Variants in OSBPL10 observed in about 807,000 individuals in gnomAD.
OSBPL10 encodes oxysterol-binding protein-related protein 10.
A neutral mutation model predicts 81.7 loss-of-function variants in OSBPL10; 49 were observed. That is an observed-to-expected ratio of 0.60 (90% CI 0.48 to 0.76). OSBPL10 has a LOEUF of 0.76. OSBPL10 is among the 30% of genes least tolerant of loss of function. The pLI, the probability that OSBPL10 is intolerant of heterozygous loss-of-function variation, is 0.00. For missense variants in OSBPL10, 923 were observed against 987.8 expected (o/e 0.93, Z 0.88); for synonymous variants, 419 against 383.6 (o/e 1.09, Z -1.08).
intron 4 of OSBPL10, among the ~76,000 whole-genome samples, chr3:31,814,254 G>A (rs531791528): frequency 6.6e-6 from 1 of 152,352 alleles, no homozygotes; most frequent in South Asian, 2.1e-4. Context: ...ACATACGACA[G>A]CTCATTGTAC....
At chr3:31,683,225 A>T (rs1700699689) in intron 8 of OSBPL10, among the ~76,000 whole-genome samples, 2 of 152,256 alleles carry the variant, frequency 1.3e-5, no homozygotes, top group African/African-American at 4.8e-5. Context: ...CAGATTTTGA[A>T]TAGGCAGCAT....
upstream of OSBPL10, among the ~76,000 whole-genome samples, chr3:31,982,752 T>C (rs1238128379): frequency 6.6e-6 from 1 of 152,230 alleles, no homozygotes; most frequent in African/African-American, 2.4e-5. Flanking sequence ...CTTTTAGCCT[T>C]AGTTTTCTCA....
intron 1 of OSBPL10, among the ~76,000 whole-genome samples, chr3:31,974,417 G>A (rs1365999257): frequency 6.6e-6 from 1 of 152,150 alleles, no homozygotes; most frequent in Non-Finnish European, 1.5e-5. Flanking sequence ...GCATACCTAT[G>A]TTCTCCAAAC....
chr3:32,075,661 C>T (rs1426658123), intron 1 of OSBPL10, among the ~76,000 whole-genome samples: 3 of 152,140 alleles, frequency 2.0e-5, no homozygotes, highest in Non-Finnish European at 4.4e-5. Flanking sequence ...CCGCTTGAAG[C>T]AGCCCTGAGA....
chr3:31,857,056 G>GA (rs1405336924), intron 3 of OSBPL10, among the ~76,000 whole-genome samples: 1 of 152,122 alleles, frequency 6.6e-6, no homozygotes, highest in Non-Finnish European at 1.5e-5. Context: ...ACCCTGCCTT[G>GA]AAAAAGAAGT....
At position 31,907,619 on chromosome 3, in the gene OSBPL10, C is replaced by CAAAAAAAA. The variant is rs142840420; in HGVS notation, c.282-27797_282-27790dup. 9.9e-4 allele frequency among the ~76,000 whole-genome samples: 63 copies of CAAAAAAAA among 63,860 alleles called. 1 individual carries two copies. The highest frequency in any genetic ancestry group is 2.2e-3 in the African/African-American group (32 of 14,446). The allele number at this position is 63,860 out of a possible 152,430, so 41.9% of individuals were successfully genotyped here. ...TCCAGCCTGGGTGAGACCTCCATCT[C>CAAAAAAAA]AAAAAAAAAAAAAAAAAAAAAAAAA... On this transcript the variant is annotated intron_variant, in intron 1 of 11. Coordinates refer to ENST00000396556, the MANE Select transcript of OSBPL10 (RefSeq NM_017784.5).
At chr3:31,952,042 A>T (rs773779922) in intron 1 of OSBPL10, among the ~76,000 whole-genome samples, 3 of 152,024 alleles carry the variant, frequency 2.0e-5, no homozygotes, top group Non-Finnish European at 2.9e-5. Flanking sequence ...GTTTATTAGG[A>T]TTTGTTAGCT....
chr3:31,964,437 G>A (rs145206474), intron 1 of OSBPL10, among the ~76,000 whole-genome samples: 9 of 152,188 alleles, frequency 5.9e-5, no homozygotes, highest in East Asian at 1.9e-4. Context: ...GATTACAGGC[G>A]TCAGCCATGG....
At chr3:32,074,800 A>G (rs1699860566) in intron 1 of OSBPL10, among the ~76,000 whole-genome samples, 1 of 152,204 alleles carries the variant, frequency 6.6e-6, no homozygotes, top group Non-Finnish European at 1.5e-5. Context: ...TTTGGGGTGC[A>G]GGATTCCTCT....
At chr3:31,930,850 TAAA>T (rs775265524) in intron 1 of OSBPL10, among the ~76,000 whole-genome samples, 1 of 151,142 alleles carries the variant, frequency 6.6e-6, no homozygotes, top group Non-Finnish European at 1.5e-5. Context: ...CCGCCTCTAC[TAAA>T]AATACAAAAA....
intron 2 of OSBPL10, among the ~76,000 whole-genome samples, chr3:32,014,557 A>G (rs1334123096): frequency 6.6e-6 from 1 of 152,172 alleles, no homozygotes; most frequent in Non-Finnish European, 1.5e-5. Context: ...GCCCTCTCTC[A>G]CCACTCCTAT....
At chr3:31,798,964 C>T (rs1434821205) in intron 4 of OSBPL10, among the ~76,000 whole-genome samples, 1 of 152,176 alleles carries the variant, frequency 6.6e-6, no homozygotes, top group East Asian at 1.9e-4. Context: ...GAATCTAATG[C>T]TGCTGATCTG....
intron 1 of OSBPL10, among the ~76,000 whole-genome samples, chr3:31,915,152 T>C (rs556772933): frequency 6.7e-6 from 1 of 148,544 alleles, no homozygotes; most frequent in African/African-American, 2.4e-5. Context: ...GTGCACTGCT[T>C]TGAACACATT....
At chr3:32,026,700 C>T (rs1384739293) in intron 2 of OSBPL10, among the ~76,000 whole-genome samples, 1 of 152,222 alleles carries the variant, frequency 6.6e-6, no homozygotes, top group South Asian at 2.1e-4. Flanking sequence ...GACCGCCATA[C>T]TAACGCTCTC....
At chr3:31,975,023 A>T (rs1281300949) in intron 1 of OSBPL10, among the ~76,000 whole-genome samples, 3 of 152,180 alleles carry the variant, frequency 2.0e-5, no homozygotes, top group Non-Finnish European at 4.4e-5. Context: ...TAATCCCACC[A>T]ACCAAAGAAA....
rs140121082 is a variant in OSBPL10 at position 31,907,817 on chromosome 3, C to T, written c.282-27987G>A. 2.2e-3 allele frequency among the ~76,000 whole-genome samples: 330 copies of T among 152,154 alleles called. 1 individual carries two copies. Among genetic ancestry groups the T allele is most frequent in the Middle Eastern group, 0.014 (4 of 294 alleles). On this transcript the variant is annotated intron_variant, in intron 1 of 11. Transcript: ENST00000396556. ...CTCTAGATGTTGGGAATAGAACAAT[C>T]CGTGAAACAGATAAGCATTCCTGCC... is the stretch of plus-strand genomic sequence containing the variant.
At chr3:31,946,260 G>T (rs527879877) in intron 1 of OSBPL10, among the ~76,000 whole-genome samples, 2 of 151,960 alleles carry the variant, frequency 1.3e-5, no homozygotes, top group Non-Finnish European at 2.9e-5. Context: ...AATTATAGGC[G>T]TGAGCCACTG....
chr3:31,931,510 A>C (rs1697250007), intron 1 of OSBPL10, among the ~76,000 whole-genome samples: 1 of 152,166 alleles, frequency 6.6e-6, no homozygotes, highest in South Asian at 2.1e-4. Flanking sequence ...CTTGGCCTAG[A>C]CCTGATGAAG....
intron 4 of OSBPL10, among the ~76,000 whole-genome samples, chr3:31,824,520 C>A (rs1700055876): frequency 6.6e-6 from 1 of 152,184 alleles, no homozygotes. Flanking sequence ...TACAAGAGCA[C>A]TGGAAACGAT....
Sources: gnomAD v4.1 joint callset for allele counts (sites outside exome capture counted in the v4.1 genomes callset) on GRCh38, gnomAD v4.1.1 for gene constraint, MANE v1.5 for transcripts, NCBI Gene and HGNC (gene_info 2026-07-23, HGNC 2026-07-21) for gene names.